Variants in DYNC1I1 observed in about 807,000 individuals in gnomAD.
DYNC1I1 encodes the protein dynein cytoplasmic 1 intermediate chain 1, also known as cytoplasmic dynein 1 intermediate chain 1.
A neutral mutation model predicts 86.6 loss-of-function variants in DYNC1I1; 43 were observed. The ratio of observed to expected loss-of-function variants is 0.50; its 90% CI spans 0.39 to 0.64. The LOEUF (loss-of-function observed/expected upper bound fraction) is 0.64. DYNC1I1 is among the 30% of genes least tolerant of loss of function. The pLI is 0.00. For synonymous variants in DYNC1I1, 262 were observed against 283.7 expected (o/e 0.92, Z 0.77); for missense variants, 604 against 788.8 (o/e 0.77, Z 2.81).
chr7:96,091,620 T>C (rs1790850395), intron 16 of DYNC1I1, among the ~76,000 whole-genome samples: 1 of 152,220 alleles, frequency 6.6e-6, no homozygotes, highest in African/African-American at 2.4e-5. Context: ...ATGAAAAATA[T>C]TGCACTGGGA....
intron 3 of DYNC1I1, among the ~76,000 whole-genome samples, chr7:95,812,281 A>G (rs899441439): frequency 6.6e-6 from 1 of 152,144 alleles, no homozygotes; most frequent in African/African-American, 2.4e-5. Flanking sequence ...TTCTATCCAT[A>G]TGGCTTCTCT....
At chr7:96,036,713 C>T (rs953045993) in intron 13 of DYNC1I1, among the ~76,000 whole-genome samples, 14 of 152,270 alleles carry the variant, frequency 9.2e-5, no homozygotes, top group Admixed American at 8.5e-4. Flanking sequence ...AAGCTTTCCT[C>T]CCAGTCAGAT....
At chr7:96,014,066 C>G (rs1794344001) in intron 10 of DYNC1I1, among the ~76,000 whole-genome samples, 1 of 152,140 alleles carries the variant, frequency 6.6e-6, no homozygotes, top group South Asian at 2.1e-4. Context: ...CTGCTGTCCT[C>G]TGACCAGAGC....
At chr7:95,801,076 C>G (rs1369738670) in intron 1 of DYNC1I1, among the ~76,000 whole-genome samples, 1 of 152,208 alleles carries the variant, frequency 6.6e-6, no homozygotes, top group African/African-American at 2.4e-5. Flanking sequence ...GAGGCATTCT[C>G]TTGAGGTTCC....
chr7:95,934,924 T>C (rs1426758281), intron 6 of DYNC1I1, among the ~76,000 whole-genome samples: 5 of 151,900 alleles, frequency 3.3e-5, no homozygotes, highest in Admixed American at 3.3e-4. Flanking sequence ...TTCTTCGTTT[T>C]TTTTTGTTTT....
chr7:96,029,675 G>A (rs531152982), intron 11 of DYNC1I1, among the ~76,000 whole-genome samples: 18 of 152,220 alleles, frequency 1.2e-4, no homozygotes, highest in African/African-American at 4.1e-4. Context: ...CAGCATTTTG[G>A]GAGGCCAAGA....
intron 6 of DYNC1I1, among the ~76,000 whole-genome samples, chr7:95,913,982 C>T (rs1205040438): frequency 2.0e-5 from 3 of 152,172 alleles, no homozygotes; most frequent in African/African-American, 7.2e-5. Context: ...AAGCTCTGAT[C>T]TTGGGCAGAA....
intron 1 of DYNC1I1, among the ~76,000 whole-genome samples, chr7:95,785,775 GTATATATATATATATATA>G (rs200152096): frequency 1.6e-3 from 204 of 124,902 alleles, no homozygotes; most frequent in African/African-American, 3.0e-3. Context: ...GTGTGTATGT[GTATATATATATATATATA>G]TATATATATA....
intron 6 of DYNC1I1, among the ~76,000 whole-genome samples, chr7:95,913,831 C>T (rs754708500): frequency 1.3e-5 from 2 of 152,158 alleles, no homozygotes; most frequent in Non-Finnish European, 2.9e-5. Flanking sequence ...AGTTGTGCTT[C>T]CTAATCTTTT....
At chr7:95,927,821 C>T (rs1250732059) in intron 6 of DYNC1I1, among the ~76,000 whole-genome samples, 1 of 152,194 alleles carries the variant, frequency 6.6e-6, no homozygotes, top group Non-Finnish European at 1.5e-5. Flanking sequence ...TATTCACTGC[C>T]TTCTGAAGAC....
chr7:95,824,018 G>T (rs1795147067), intron 4 of DYNC1I1, among the ~76,000 whole-genome samples: 1 of 114,886 alleles, frequency 8.7e-6, no homozygotes, highest in Non-Finnish European at 1.7e-5. Flanking sequence ...TTTGAGGCAG[G>T]GTCTTACTGT....
At chr7:95,962,249 T>A (rs1792890410) in intron 6 of DYNC1I1, among the ~76,000 whole-genome samples, 1 of 152,214 alleles carries the variant, frequency 6.6e-6, no homozygotes, top group African/African-American at 2.4e-5. Flanking sequence ...CTGCCCATTC[T>A]GATGACCCAT....
intron 7 of DYNC1I1, among the ~76,000 whole-genome samples, chr7:95,980,483 G>C (rs1367071164): frequency 7.1e-6 from 1 of 140,436 alleles, no homozygotes; most frequent in African/African-American, 2.6e-5. Flanking sequence ...GCTCTGGGCT[G>C]AAACTTGACA....
intron 5 of DYNC1I1, among the ~76,000 whole-genome samples, chr7:95,869,449 G>T (rs1283755536): frequency 6.6e-6 from 1 of 151,444 alleles, no homozygotes; most frequent in Non-Finnish European, 1.5e-5. Context: ...GATAGAGAAT[G>T]TGTTACACCA....
intron 6 of DYNC1I1, among the ~76,000 whole-genome samples, chr7:95,894,934 AG>A (rs1339473795): frequency 6.6e-6 from 1 of 152,194 alleles, no homozygotes; most frequent in Non-Finnish European, 1.5e-5. Context: ...ATGAGTGGTC[AG>A]GCATTGTTGT....
Position 95,786,055 on chromosome 7 carries a change from A to T in DYNC1I1, c.-10+13282A>T, listed in dbSNP as rs182355030. Among the ~76,000 whole-genome samples, 56 of 152,002 alleles carry T rather than the reference A, an allele frequency of 3.7e-4. No homozygotes were observed. In the East Asian group the frequency reaches 9.1e-3, roughly 25 times the overall value. On this transcript the variant is annotated intron_variant, in intron 1 of 16. Coordinates refer to ENST00000447467, the MANE Select transcript of DYNC1I1 (RefSeq NM_001135556.2). ...AATAGACTGAATTGGTTTAACATGG[A>T]AATTCTTGATATTTTTTCAAGACTC...
intron 2 of DYNC1I1, among the ~76,000 whole-genome samples, chr7:95,809,844 C>T (rs1268895908): frequency 1.3e-5 from 2 of 152,134 alleles, no homozygotes; most frequent in African/African-American, 4.8e-5. Context: ...CAATATTGAT[C>T]ACATGCCTTA....
At chr7:96,009,182 G>A (rs1382741902) in intron 10 of DYNC1I1, among the ~76,000 whole-genome samples, 1 of 152,132 alleles carries the variant, frequency 6.6e-6, no homozygotes, top group Non-Finnish European at 1.5e-5. Flanking sequence ...GCCCTCTGGG[G>A]TCTTCACATT....
chr7:96,042,745 GAA>G (rs986567844), intron 14 of DYNC1I1, among the ~76,000 whole-genome samples: 2 of 152,128 alleles, frequency 1.3e-5, no homozygotes, highest in Admixed American at 6.5e-5. Flanking sequence ...TCATTATTTT[GAA>G]AACCAGTGAG....
Sources: gnomAD v4.1 joint callset for allele counts (sites outside exome capture counted in the v4.1 genomes callset) on GRCh38, gnomAD v4.1.1 for gene constraint, MANE v1.5 for transcripts, NCBI Gene and HGNC (gene_info 2026-07-23, HGNC 2026-07-21) for gene names.